Variants in UPF2 observed in about 807,000 individuals in gnomAD.
UPF2 encodes the protein UPF2 regulator of nonsense mediated mRNA decay, also known as regulator of nonsense transcripts 2.
In UPF2, 17 loss-of-function variants were observed where a neutral mutation model predicts 141.4. That is an observed-to-expected ratio of 0.12 (90% CI 0.08 to 0.18). UPF2 has a LOEUF of 0.18. Ranked by LOEUF, UPF2 falls within the 10% of genes least tolerant of loss-of-function variation. The probability of loss-of-function intolerance (pLI) is 1.00; values close to 1 mark genes in which losing one functional copy is unlikely to be tolerated. For missense variants in UPF2, 1,152 were observed against 1,515.9 expected, an observed-to-expected ratio of 0.76 and a Z score of 3.99; for synonymous variants, 540 against 498.0, an observed-to-expected ratio of 1.08 and a Z score of -1.12.
At chr10:11,954,825 A>G (rs905856591) in intron 14 of UPF2, among the ~76,000 whole-genome samples, 4 of 150,474 alleles carry the variant, frequency 2.7e-5, no homozygotes, top group Admixed American at 1.3e-4. Flanking sequence ...AAAAAAAAAA[A>G]AAAGAAAGAA....
chr10:11,959,018 T>C lies in UPF2; in HGVS notation c.2370+153A>G, dbSNP rs986283100. On this transcript the variant is annotated intron_variant, in intron 12 of 21. Transcript: ENST00000357604. The surrounding 1 kb of genome is among the most constrained non-coding windows in gnomAD (Gnocchi z 5.9). ...CAAAACCTATGTCCCAAATATTATA[T>C]ATCATCATAAGAATTCCTTCTTAGG... Among the ~76,000 whole-genome samples, 1 of 152,236 alleles carries C rather than the reference T, an allele frequency of 6.6e-6. No homozygotes were observed. Among genetic ancestry groups the C allele is most frequent in the Non-Finnish European group, 1.5e-5 (1 of 68,040 alleles).
chr10:12,018,799 CT>C (rs1163751223), intron 3 of UPF2, among the ~76,000 whole-genome samples: 1 of 152,056 alleles, frequency 6.6e-6, no homozygotes, highest in Non-Finnish European at 1.5e-5. Context: ...TTTAGAAATT[CT>C]AATGAAATTA....
At chr10:11,942,796 A>T in intron 17 of UPF2, 33 bp from the exon 18 acceptor site, 1 of 1,591,768 alleles carries the variant, frequency 6.3e-7, no homozygotes, top group Non-Finnish European at 8.6e-7. Flanking sequence ...ATCAGACCAG[A>T]AATTTTAACT....
At chr10:11,988,357 A>G (rs1833728181) in intron 8 of UPF2, among the ~76,000 whole-genome samples, 1 of 152,240 alleles carries the variant, frequency 6.6e-6, no homozygotes, top group Non-Finnish European at 1.5e-5. Flanking sequence ...ACTGTCACCC[A>G]GGCTGGAGTG....
In UPF2 at chr10:11,964,117, C is replaced by T; in HGVS notation, c.2076G>A (p.Leu692=). 6.2e-7 allele frequency: 1 copy of T among 1,610,834 alleles called. No homozygotes were observed. Among genetic ancestry groups the T allele is most frequent in the Non-Finnish European group, 8.5e-7 (1 of 1,178,018 alleles). ...NDTLHCLKML[L]SDFSHHHIEM... ...CAATATGGTGATGAGAGAAGTCTGACAGAAGCATCTGCAACAGGAAGAATG... is the reference window on the plus strand; with the variant it reads ...CAATATGGTGATGAGAGAAGTCTGATAGAAGCATCTGCAACAGGAAGAATG... The change falls in exon 11 of 22, where the codon CTG becomes CTA. Residue 692 remains leucine (L), a synonymous_variant. Transcript: ENST00000357604.
At chr10:11,997,280 T>C (rs772912786) in intron 8 of UPF2, among the ~76,000 whole-genome samples, 3 of 152,182 alleles carry the variant, frequency 2.0e-5, no homozygotes, top group Non-Finnish European at 4.4e-5. Context: ...ATTTTTCATT[T>C]AAACATAAAT....
chr10:11,983,836 T>G (rs149858586), intron 8 of UPF2, among the ~76,000 whole-genome samples: 1 of 152,224 alleles, frequency 6.6e-6, no homozygotes, highest in African/African-American at 2.4e-5. Flanking sequence ...TTCTATGCTC[T>G]GGAACAAGCG....
At chr10:11,955,645 A>T (rs574699304) in intron 13 of UPF2, 138 bp from the exon 14 acceptor site, 2 of 870,594 alleles carry the variant, frequency 2.3e-6, no homozygotes, top group African/African-American at 1.7e-5. Flanking sequence ...TTTTCTAATA[A>T]ACTGGTTACT....
At position 12,030,483 on chromosome 10, in the gene UPF2, T is replaced by G. The variant is rs948984950; in HGVS notation, c.366-959A>C. 2.6e-5 allele frequency among the ~76,000 whole-genome samples: 4 copies of G among 151,618 alleles called. No homozygotes were observed. The East Asian group carries it at 5.8e-4, about 22-fold the overall frequency. ...TGGGAGTCGGAGACTGATGCTGCAG[T>G]AAGCCAAGATCTCCCAACTGCACTC... On this transcript the variant is annotated intron_variant, in intron 2 of 21. Transcript: ENST00000357604.
At chr10:12,025,324 G>A (rs1206593524) in intron 3 of UPF2, among the ~76,000 whole-genome samples, 3 of 152,170 alleles carry the variant, frequency 2.0e-5, no homozygotes, top group Non-Finnish European at 4.4e-5. Context: ...GCCGAGGTGT[G>A]CAGATCACCT....
At chr10:11,974,995 G>A (rs1833482547) in intron 9 of UPF2, among the ~76,000 whole-genome samples, 2 of 152,090 alleles carry the variant, frequency 1.3e-5, no homozygotes, top group African/African-American at 4.8e-5. Flanking sequence ...CCTATAATGG[G>A]GGTATATAGT....
intron 3 of UPF2, among the ~76,000 whole-genome samples, chr10:12,025,275 G>A (rs1305650213): frequency 1.3e-5 from 2 of 152,100 alleles, no homozygotes; most frequent in Non-Finnish European, 2.9e-5. Flanking sequence ...TGATGGCCAG[G>A]CACGGTGGCT....
chr10:11,982,553 C>G lies in UPF2; in HGVS notation c.1845-3388G>C, dbSNP rs148311007. Among the ~76,000 whole-genome samples, 1,102 of 152,304 alleles carry G rather than the reference C, an allele frequency of 7.2e-3. 11 individuals are homozygous for G. The highest frequency in any genetic ancestry group is 9.5e-3 in the Non-Finnish European group (649 of 68,034). On this transcript the variant is annotated intron_variant, in intron 8 of 21. Coordinates refer to ENST00000357604, the MANE Select transcript of UPF2 (RefSeq NM_015542.4). ...CTCCCTAAAGGGAGTCCCAGTCTCCCTGTTTTGACCCGTTCCGAATACTCC... is the reference window on the plus strand; with the variant it reads ...CTCCCTAAAGGGAGTCCCAGTCTCCGTGTTTTGACCCGTTCCGAATACTCC...
chr10:11,949,583 C>T (rs1833048076), intron 15 of UPF2, among the ~76,000 whole-genome samples: 1 of 152,138 alleles, frequency 6.6e-6, no homozygotes, highest in South Asian at 2.1e-4. Flanking sequence ...AAGAACTTGT[C>T]TTAAATGTTC....
intron 4 of UPF2, among the ~76,000 whole-genome samples, chr10:12,005,550 A>G (rs535247896): frequency 6.6e-5 from 10 of 152,264 alleles, no homozygotes; most frequent in African/African-American, 2.4e-4. Flanking sequence ...CCCCCTTGCT[A>G]TAATAAATTT....
At position 12,014,416 on chromosome 10, in the gene UPF2, C is replaced by G. The variant is rs1834183549; in HGVS notation, c.1146-232G>C. Among the ~76,000 whole-genome samples, 1 of 152,072 alleles carries G rather than the reference C, an allele frequency of 6.6e-6. No individual in the cohort carries two copies. The highest frequency in any genetic ancestry group is 1.5e-5 in the Non-Finnish European group (1 of 68,026). On this transcript the variant is annotated intron_variant, in intron 3 of 21. Coordinates refer to ENST00000357604, the MANE Select transcript of UPF2 (RefSeq NM_015542.4). The surrounding 1 kb of genome is among the most constrained non-coding windows in gnomAD (Gnocchi z 5.0). ...CCTCAAAGAATATGCAGCATGCTTG[C>G]TGAAATACAATATTTAACAATATAC... is the stretch of plus-strand genomic sequence containing the variant.
chr10:12,002,547 G>T (rs1833970971), intron 5 of UPF2, among the ~76,000 whole-genome samples: 1 of 152,120 alleles, frequency 6.6e-6, no homozygotes, highest in South Asian at 2.1e-4. Flanking sequence ...GATCTGATGT[G>T]AAAATTAACT....
rs1197689529 is a variant in UPF2, at chr10:11,942,771, A to G, written c.3280-8T>C. The G allele has an allele frequency of 6.2e-7, 1 of 1,611,456 alleles. No individual in the cohort carries two copies. ...GCCTTTAATCATTACCTCCTTATTA[A>G]AACAAAACAACAAAATCAGACCAGA... On this transcript the variant is annotated splice_region_variant and splice_polypyrimidine_tract_variant and intron_variant, in intron 17 of 21. Coordinates refer to ENST00000357604, the MANE Select transcript of UPF2 (RefSeq NM_015542.4).
In UPF2 at chr10:11,998,732, T is replaced by A. The variant is rs185495877; in HGVS notation, c.1759-975A>T. 6.6e-6 allele frequency among the ~76,000 whole-genome samples: 1 copy of A among 152,148 alleles called. No individual in the cohort carries two copies. The highest frequency in any genetic ancestry group is 2.4e-5 in the African/African-American group (1 of 41,522). ...AGCCGGGCATGGTGGCGGGCACCTG[T>A]AGTCCCAGCTACTCGGGAGGCTGAG... On this transcript the variant is annotated intron_variant, in intron 7 of 21. Coordinates refer to ENST00000357604, the MANE Select transcript of UPF2 (RefSeq NM_015542.4). This position sits in a 1 kb window ranked among gnomAD's most constrained non-coding sequence, Gnocchi z 4.5.
Sources: allele counts gnomAD v4.1 joint callset (sites outside exome capture counted in the v4.1 genomes callset), GRCh38; gene constraint gnomAD v4.1.1; non-coding constraint Gnocchi (gnomAD v3.1); transcripts MANE v1.5; gene names NCBI Gene and HGNC (gene_info 2026-07-23, HGNC 2026-07-21).